The following TRIO variants were observed in gnomAD, a reference collection of about 807,000 sequenced individuals.
TRIO encodes trio Rho guanine nucleotide exchange factor.
In TRIO, 58 loss-of-function variants were observed where a neutral mutation model predicts 351.9. That is an observed-to-expected ratio of 0.16 (90% CI 0.13 to 0.21). The LOEUF (loss-of-function observed/expected upper bound fraction) is 0.21. Among genes scored for constraint, TRIO ranks in the 10% least tolerant of loss-of-function variants. The pLI, the probability that TRIO is intolerant of heterozygous loss-of-function variation, is 1.00. For synonymous variants in TRIO, 1,758 were observed against 1,595.7 expected, an observed-to-expected ratio of 1.10 and a Z score of -2.42; for missense variants, 3,201 against 4,027.8, an observed-to-expected ratio of 0.79 and a Z score of 5.56.
At position 14,483,517 on chromosome 5, in the gene TRIO, GC is replaced by G; in HGVS notation, c.6657+746del. 1.3e-5 allele frequency among the ~76,000 whole-genome samples: 2 copies of G among 152,276 alleles called. 1 individual carries two copies. Among genetic ancestry groups the G allele is most frequent in the South Asian group, 4.1e-4 (2 of 4,828 alleles). On this transcript the variant is annotated intron_variant, in intron 46 of 56. Transcript: ENST00000344204. The stretch of plus-strand genomic sequence containing the variant: ...ACTCTCAGACCGTGCACACCTGCGG[GC>G]CTCACAGCACACAGGCAGAACATTG...
At position 14,488,016 on chromosome 5, in the gene TRIO, G is replaced by A. The variant is rs772325508; in HGVS notation, c.7388G>A (p.Ser2463Asn). The change falls in exon 48 of 57, where the codon AGC becomes AAC. Residue 2463 changes from serine to asparagine, a missense_variant. By Grantham distance (46) the Ser-to-Asn change is conservative. Coordinates refer to ENST00000344204, the MANE Select transcript of TRIO (RefSeq NM_007118.4). ...AASPLNSPLS[S>N]AVPSLGKEPF... ...TCGCCGCTGAACTCGCCGCTCTCCAGCGCGGTCCCTTCTCTCGGCAAGGAG... is the reference window on the plus strand; with the variant it reads ...TCGCCGCTGAACTCGCCGCTCTCCAACGCGGTCCCTTCTCTCGGCAAGGAG... 1 of 1,590,192 alleles carries A rather than the reference G, an allele frequency of 6.3e-7. No individual in the cohort carries two copies. The highest frequency in any genetic ancestry group is 1.3e-5 in the African/African-American group (1 of 74,260).
At chr5:14,320,318 A>G (rs1168533797) in intron 9 of TRIO, among the ~76,000 whole-genome samples, 2 of 152,200 alleles carry the variant, frequency 1.3e-5, no homozygotes, top group Non-Finnish European at 2.9e-5. Context: ...TCCAAAGAGG[A>G]TGCCATCAGA....
chr5:14,277,392 A>C (rs529705515), intron 2 of TRIO, among the ~76,000 whole-genome samples: 2 of 152,348 alleles, frequency 1.3e-5, no homozygotes, highest in South Asian at 2.1e-4. Context: ...GCAGATAATC[A>C]ATGAGCTGTT....
At chr5:14,470,855 G>C (rs1399095871) in intron 37 of TRIO, among the ~76,000 whole-genome samples, 4 of 152,200 alleles carry the variant, frequency 2.6e-5, no homozygotes, top group Non-Finnish European at 5.9e-5. Flanking sequence ...TTGGATTGCT[G>C]ATGTTGCTAC....
chr5:14,235,355 T>C (rs1287375309), intron 1 of TRIO, among the ~76,000 whole-genome samples: 1 of 152,192 alleles, frequency 6.6e-6, no homozygotes, highest in East Asian at 1.9e-4. Context: ...CTGGGTTGAG[T>C]ACAGTAAATA....
chr5:14,363,001 C>CTTTTTTTTT (rs34314596), intron 13 of TRIO, among the ~76,000 whole-genome samples: 1 of 136,084 alleles, frequency 7.3e-6, no homozygotes, highest in Non-Finnish European at 1.6e-5. Flanking sequence ...TTTCTATCTA[C>CTTTTTTTTT]TTTTTTTTTT....
intron 1 of TRIO, among the ~76,000 whole-genome samples, chr5:14,159,974 A>G (rs1446268528): frequency 6.6e-6 from 1 of 152,238 alleles, no homozygotes; most frequent in Non-Finnish European, 1.5e-5. Context: ...TTTGCATAAA[A>G]TCGCATATGC....
rs70964542 is a variant in TRIO at position 14,180,100 on chromosome 5, C to CAAAAAAAAA, written c.157+36238_157+36246dup. ...TGGGTGACAGAGCAGGACTCCTGCT[C>CAAAAAAAAA]AAAAAAAAAAAAAAAAAAAAAAAAA... On this transcript the variant is annotated intron_variant, in intron 1 of 56. Transcript: ENST00000344204. Among the ~76,000 whole-genome samples the CAAAAAAAAA allele has an allele frequency of 4.7e-4, 13 of 27,746 alleles. 1 individual carries two copies. Among genetic ancestry groups the CAAAAAAAAA allele is most frequent in the African/African-American group, 6.6e-4 (6 of 9,040 alleles). 18.2% of individuals were successfully genotyped at this position (27,746 alleles called of 152,430 possible).
chr5:14,178,734 A>G (rs906487691), intron 1 of TRIO, among the ~76,000 whole-genome samples: 5 of 152,176 alleles, frequency 3.3e-5, no homozygotes, highest in African/African-American at 1.2e-4. Flanking sequence ...CTCACCCCTA[A>G]CTTGGATAAA....
At chr5:14,284,757 G>T (rs192207013) in intron 3 of TRIO, among the ~76,000 whole-genome samples, 2 of 152,256 alleles carry the variant, frequency 1.3e-5, no homozygotes, top group Admixed American at 1.3e-4. Flanking sequence ...GTTACAGTGC[G>T]GTCTACCAAA....
chr5:14,472,863 G>A (rs1204009598), intron 39 of TRIO, among the ~76,000 whole-genome samples: 2 of 152,070 alleles, frequency 1.3e-5, no homozygotes, highest in South Asian at 2.1e-4. Context: ...CTTCTTTTTC[G>A]CATAGTGTAT....
chr5:14,345,100 C>T (rs114056591), intron 11 of TRIO, among the ~76,000 whole-genome samples: 8,650 of 152,012 alleles, frequency 0.057, 289 homozygotes, highest in African/African-American at 0.087. Context: ...TAACTTAAAA[C>T]GCTACATTTT....
intron 3 of TRIO, among the ~76,000 whole-genome samples, chr5:14,284,248 A>G (rs1736256450): frequency 1.3e-5 from 2 of 152,172 alleles, no homozygotes; most frequent in Admixed American, 6.5e-5. Context: ...TAAAAATGCT[A>G]AAATAACTGG....
rs970294097 is a variant in TRIO at position 14,233,347 on chromosome 5, C to T, written c.158-37478C>T. Among the ~76,000 whole-genome samples the T allele has an allele frequency of 4.1e-5, 6 of 146,824 alleles. No individual in the cohort carries two copies. In the East Asian group the frequency reaches 7.9e-4, roughly 19 times the overall value. On this transcript the variant is annotated intron_variant, in intron 1 of 56. Transcript: ENST00000344204. ...AAAAAAAAAAAAAAAAAAATTAGCC[C>T]GGTGTGGTGGTGTGTGTCTGTAGTC...
intron 1 of TRIO, among the ~76,000 whole-genome samples, chr5:14,164,244 A>G (rs1302592105): frequency 2.0e-5 from 3 of 152,260 alleles, no homozygotes; most frequent in Non-Finnish European, 4.4e-5. Flanking sequence ...AAGCATCTGA[A>G]AAACAGTCTT....
At chr5:14,377,096 A>C (rs892304747) in intron 19 of TRIO, among the ~76,000 whole-genome samples, 3 of 150,192 alleles carry the variant, frequency 2.0e-5, no homozygotes, top group Non-Finnish European at 4.4e-5. Context: ...TTGTCTGTGC[A>C]CCAGTTTTTG....
intron 53 of TRIO, among the ~76,000 whole-genome samples, chr5:14,502,084 G>T (rs555873761): frequency 3.3e-5 from 5 of 152,142 alleles, no homozygotes. Context: ...CCCTGTGGAC[G>T]TTAAGTAAAT....
At chr5:14,487,369 C>G (rs1756000348) in intron 47 of TRIO, 95 bp from the exon 48 acceptor site, 5 of 1,065,270 alleles carry the variant, frequency 4.7e-6, no homozygotes, top group Non-Finnish European at 3.5e-6. Flanking sequence ...GGGTCTGCCC[C>G]ATGACCCATC....
chr5:14,260,676 ATATTC>A (rs1338495983), intron 1 of TRIO, among the ~76,000 whole-genome samples: 8 of 152,232 alleles, frequency 5.3e-5, no homozygotes, highest in African/African-American at 1.9e-4. Flanking sequence ...CATTTACTTT[ATATTC>A]TATATTAATA....
Sources: gnomAD v4.1 joint callset for allele counts (sites outside exome capture counted in the v4.1 genomes callset) on GRCh38, gnomAD v4.1.1 for gene constraint, MANE v1.5 for transcripts, NCBI Gene and HGNC (gene_info 2026-07-23, HGNC 2026-07-21) for gene names.